The following RC3H2 variants were observed in gnomAD, a reference collection of about 807,000 sequenced individuals.
The protein encoded by RC3H2 is roquin-2.
RC3H2 carries 31 observed loss-of-function variants against 133.3 expected under a neutral mutation model. That is an observed-to-expected ratio of 0.23 (90% CI 0.17 to 0.31). The LOEUF (loss-of-function observed/expected upper bound fraction) is 0.31. Among genes scored for constraint, RC3H2 ranks in the 10% least tolerant of loss-of-function variants. The probability of loss-of-function intolerance (pLI) is 1.00; values close to 1 mark genes in which losing one functional copy is unlikely to be tolerated. For synonymous variants in RC3H2, 517 were observed against 502.2 expected (o/e 1.03, Z -0.40); for missense variants, 1,175 against 1,437.2 (o/e 0.82, Z 2.95).
intron 10 of RC3H2, among the ~76,000 whole-genome samples, chr9:122,864,965 T>G (rs1464609189): frequency 6.6e-6 from 1 of 152,152 alleles, no homozygotes; most frequent in East Asian, 1.9e-4. Context: ...GAAAGCGCTC[T>G]GACTGAAACA....
At position 122,846,059 on chromosome 9, in the gene RC3H2, C is replaced by T. The variant is rs1163927790; in HGVS notation, c.*3568G>A. The T allele has an allele frequency of 1.3e-5, 2 of 152,078 alleles. No homozygotes were observed. Among genetic ancestry groups the T allele is most frequent in the African/African-American group, 4.8e-5 (2 of 41,400 alleles). The allele number at this position is 152,078 out of a possible 1,614,324, so 9.4% of individuals were successfully genotyped here. A position where few individuals can be genotyped will look rare whatever the true frequency, so the allele number is the denominator to read the frequency against. ...AACATAGGCTTTAATGTCTAAAATCCAAAAGCAAACTAGATGGTTTTTAAA... is the reference window on the plus strand; with the variant it reads ...AACATAGGCTTTAATGTCTAAAATCTAAAAGCAAACTAGATGGTTTTTAAA... On this transcript the variant is annotated 3_prime_UTR_variant, in exon 21 of 21. Transcript: ENST00000357244.
At chr9:122,893,549 G>A (rs531963746) in intron 2 of RC3H2, among the ~76,000 whole-genome samples, 19 of 152,322 alleles carry the variant, frequency 1.2e-4, no homozygotes, top group African/African-American at 4.3e-4. Flanking sequence ...AGCAGGAGCT[G>A]TGTGGATTAA....
intron 10 of RC3H2, among the ~76,000 whole-genome samples, chr9:122,862,723 C>G (rs1385834842): frequency 6.6e-6 from 1 of 151,912 alleles, no homozygotes; most frequent in Admixed American, 6.6e-5. Context: ...GGCGAAACCC[C>G]GTCTCTACTA....
chr9:122,905,097 G>T lies in RC3H2; in HGVS notation c.-68+13C>A, dbSNP rs1405998525. On this transcript the variant is annotated intron_variant, in intron 1 of 20. Coordinates refer to ENST00000357244, the MANE Select transcript of RC3H2 (RefSeq NM_001100588.3). ...CTGGGGCCCGAGCCGCATCGTGCCCGCCCCCGCCCTACCTGAGGGGGCCCG... is the reference window on the plus strand; with the variant it reads ...CTGGGGCCCGAGCCGCATCGTGCCCTCCCCCGCCCTACCTGAGGGGGCCCG... 4 of 985,198 alleles carry T rather than the reference G, an allele frequency of 4.1e-6. No individual in the cohort carries two copies. In the African/African-American group the frequency reaches 7.0e-5, roughly 17 times the overall value. The allele number at this position is 985,198 out of a possible 1,614,324, so 61.0% of individuals were successfully genotyped here. A position where few individuals can be genotyped will look rare whatever the true frequency, so the allele number is the denominator to read the frequency against.
At chr9:122,897,177 T>C in intron 2 of RC3H2, 102 bp downstream of exon 2, 3 of 951,654 alleles carry the variant, frequency 3.2e-6, no homozygotes, top group Non-Finnish European at 3.2e-6. Flanking sequence ...TTCAAAGATG[T>C]CCTGGGCCAC....
chr9:122,894,512 G>A (rs201218160), intron 2 of RC3H2, among the ~76,000 whole-genome samples: 3 of 152,106 alleles, frequency 2.0e-5, no homozygotes, highest in South Asian at 2.1e-4. Flanking sequence ...AAATACTAGC[G>A]AGGGGTTACA....
In RC3H2 at chr9:122,892,970, C is replaced by A. The variant is rs755346971; in HGVS notation, c.288G>T (p.Glu96Asp). 6.2e-7 allele frequency: 1 copy of A among 1,612,662 alleles called. No homozygotes were observed. The highest frequency in any genetic ancestry group is 1.7e-5 in the Admixed American group (1 of 59,928). The change falls in exon 3 of 21, where the codon GAG (glutamate) becomes GAT (aspartate). Residue 96 changes from glutamate (E) to aspartate (D), a missense_variant. This residue lies in a region of RC3H2 where 30 missense variants were observed against 25.2 expected (regional missense o/e 1.19). Transcript: ENST00000357244. Reference protein sequence around the residue: ...LSNLGENKHYEVAKKCVEDLA... With the variant: ...LSNLGENKHYDVAKKCVEDLA... ...AATCCTCAACGCATTTCTTTGCAAC[C>A]TCATAGTGTTTATTCTCACCTAGAT... is the stretch of plus-strand genomic sequence containing the variant.
Position 122,884,771 on chromosome 9 carries a change from T to C in RC3H2, c.584-1392A>G, listed in dbSNP as rs185533434. Among the ~76,000 whole-genome samples the C allele has an allele frequency of 5.3e-3, 798 of 151,454 alleles. 9 individuals carry two copies. Among genetic ancestry groups the C allele is most frequent in the South Asian group, 0.044 (209 of 4,796 alleles). ...AGAAGGCTGAGGCAGGAGAATCCCT[T>C]GAACCCGGGAGGTGGAGGTTGCAGT... On this transcript the variant is annotated intron_variant, in intron 4 of 20. Transcript: ENST00000357244.
chr9:122,886,016 T>C (rs1477922212), intron 4 of RC3H2, among the ~76,000 whole-genome samples: 2 of 152,206 alleles, frequency 1.3e-5, no homozygotes, highest in East Asian at 1.9e-4. Flanking sequence ...GCCTCCCGAA[T>C]AGCTGGGATT....
At chr9:122,903,212 C>T (rs1832724132) in intron 1 of RC3H2, among the ~76,000 whole-genome samples, 1 of 152,234 alleles carries the variant, frequency 6.6e-6, no homozygotes, top group African/African-American at 2.4e-5. Flanking sequence ...TCATAACATT[C>T]ATGAGACTGG....
intron 18 of RC3H2, 131 bp downstream of exon 18, chr9:122,853,821 T>G: frequency 6.5e-7 from 1 of 1,540,634 alleles, no homozygotes; most frequent in Non-Finnish European, 8.8e-7. Context: ...ATTTCTGTTA[T>G]AAGTTTTAAA....
At chr9:122,863,096 C>T (rs999416652) in intron 10 of RC3H2, among the ~76,000 whole-genome samples, 45 of 152,106 alleles carry the variant, frequency 3.0e-4, no homozygotes, top group African/African-American at 9.9e-4. Flanking sequence ...CCTGTCCCAG[C>T]CCTAAACCCC....
chr9:122,881,281 G>C (rs910301986), intron 5 of RC3H2, among the ~76,000 whole-genome samples: 4 of 151,982 alleles, frequency 2.6e-5, no homozygotes, highest in African/African-American at 4.8e-5. Context: ...GAAGTCAGGA[G>C]TTTGAGACCA....
intron 3 of RC3H2, among the ~76,000 whole-genome samples, chr9:122,891,848 C>T (rs111772719): frequency 2.0e-5 from 3 of 152,108 alleles, no homozygotes; most frequent in African/African-American, 7.2e-5. Flanking sequence ...GCTAAGTATG[C>T]AGTGATAAAA....
intron 15 of RC3H2, 97 bp downstream of exon 15, chr9:122,855,087 T>G: frequency 2.1e-6 from 2 of 961,074 alleles, no homozygotes; most frequent in South Asian, 1.6e-5. Context: ...CATTCCAGTC[T>G]GGGCAACAGA....
At chr9:122,862,295 T>TA (rs1347996658) in intron 10 of RC3H2, among the ~76,000 whole-genome samples, 1 of 152,204 alleles carries the variant, frequency 6.6e-6, no homozygotes, top group African/African-American at 2.4e-5. Flanking sequence ...AATTGGAACT[T>TA]ATAGAAAAAG....
intron 1 of RC3H2, among the ~76,000 whole-genome samples, chr9:122,900,142 T>A (rs1433948226): frequency 1.3e-5 from 2 of 152,248 alleles, no homozygotes; most frequent in Non-Finnish European, 2.9e-5. Context: ...TAGTCCTTAG[T>A]GTGTTTCAGC....
chr9:122,892,203 C>T (rs374134910), intron 3 of RC3H2, among the ~76,000 whole-genome samples: 3 of 152,036 alleles, frequency 2.0e-5, no homozygotes, highest in African/African-American at 7.2e-5. Flanking sequence ...CCTCAACTTC[C>T]TGGGCTCATG....
intron 16 of RC3H2, 92 bp downstream of exon 16, chr9:122,854,439 G>C: frequency 8.3e-7 from 1 of 1,200,954 alleles, no homozygotes; most frequent in Non-Finnish European, 1.2e-6. Flanking sequence ...AACAAGCAAA[G>C]CACATTTCAT....
Sources: allele counts gnomAD v4.1 joint callset (sites outside exome capture counted in the v4.1 genomes callset), GRCh38; gene constraint gnomAD v4.1.1; regional missense constraint gnomAD v4.1.1; transcripts MANE v1.5; gene names NCBI Gene and HGNC (gene_info 2026-07-23, HGNC 2026-07-21).